NTM: variants seen among roughly 807,000 people sequenced by gnomAD.
The protein encoded by NTM is neurotrimin, also known as IgLON family member 2.
In NTM, 13 loss-of-function variants were observed where a neutral mutation model predicts 42.1. That is an observed-to-expected ratio of 0.31 (90% CI 0.20 to 0.49). NTM has a LOEUF of 0.49. Ranked by LOEUF, NTM falls within the 20% of genes least tolerant of loss-of-function variation. The probability of loss-of-function intolerance (pLI) is 0.99; values close to 1 mark genes in which losing one functional copy is unlikely to be tolerated. For synonymous variants in NTM, 187 were observed against 179.2 expected, an observed-to-expected ratio of 1.04 and a Z score of -0.35; for missense variants, 373 against 452.8, an observed-to-expected ratio of 0.82 and a Z score of 1.60.
At chr11:131,613,529 G>C (rs1461342913) in intron 1 of NTM, among the ~76,000 whole-genome samples, 2 of 152,146 alleles carry the variant, frequency 1.3e-5, no homozygotes, top group Non-Finnish European at 2.9e-5. Flanking sequence ...TCTATGATAA[G>C]ACGGGCGCTT....
chr11:131,668,261 T>TATCC (rs2134589340), intron 1 of NTM, among the ~76,000 whole-genome samples: 1 of 149,710 alleles, frequency 6.7e-6, no homozygotes, highest in East Asian at 1.9e-4. Flanking sequence ...TCTATCTATC[T>TATCC]ATCTATCTAT....
intron 1 of NTM, among the ~76,000 whole-genome samples, chr11:131,374,351 C>T (rs929024977): frequency 1.3e-5 from 2 of 152,238 alleles, no homozygotes; most frequent in African/African-American, 4.8e-5. Flanking sequence ...AGTGTCTGCC[C>T]TGGCCGGCAG....
intron 4 of NTM, among the ~76,000 whole-genome samples, chr11:132,270,504 C>A (rs947861863): frequency 6.6e-6 from 1 of 152,176 alleles, no homozygotes; most frequent in Non-Finnish European, 1.5e-5. Flanking sequence ...GCTAAGATTA[C>A]AAGCATGAGT....
In NTM at chr11:132,195,561, A is replaced by G. The variant is rs142690240; in HGVS notation, c.401-16461A>G. Among the ~76,000 whole-genome samples, 126 of 152,292 alleles carry G rather than the reference A, an allele frequency of 8.3e-4. 1 individual carries two copies. The East Asian group carries it at 0.023, about 28-fold the overall frequency. On this transcript the variant is annotated intron_variant, in intron 3 of 8. Coordinates refer to ENST00000683400, the MANE Select transcript of NTM (RefSeq NM_001352005.2). ...ATATTACTTGACTTCAAACTATACT[A>G]CAAGGCTACAGTAACCAAAACAGCA... is the stretch of plus-strand genomic sequence containing the variant.
chr11:131,400,115 C>A (rs534795460), intron 1 of NTM, among the ~76,000 whole-genome samples: 3 of 152,102 alleles, frequency 2.0e-5, no homozygotes, highest in Non-Finnish European at 2.9e-5. Flanking sequence ...CCCTACCCAC[C>A]CCCCATCAGC....
At chr11:131,593,070 A>G (rs766372662) in intron 1 of NTM, among the ~76,000 whole-genome samples, 2 of 152,162 alleles carry the variant, frequency 1.3e-5, no homozygotes, top group Non-Finnish European at 2.9e-5. Context: ...GAGTGGTACT[A>G]TTGGCAGGAA....
chr11:131,912,320 G>A (rs954212112), intron 2 of NTM, among the ~76,000 whole-genome samples: 1 of 152,162 alleles, frequency 6.6e-6, no homozygotes, highest in African/African-American at 2.4e-5. Flanking sequence ...CCACCAAAAC[G>A]GTACATGCAA....
chr11:131,538,626 C>G (rs1017714015), intron 1 of NTM: 3 of 152,278 alleles, frequency 2.0e-5, no homozygotes, highest in African/African-American at 7.2e-5. Context: ...TGTTGGTTCT[C>G]TCTGGACTGT....
chr11:131,687,756 G>A (rs1173645877), intron 1 of NTM, among the ~76,000 whole-genome samples: 3 of 152,158 alleles, frequency 2.0e-5, no homozygotes, highest in Admixed American at 2.0e-4. Context: ...GGCGGCCACA[G>A]GCGAGGGGGC....
chr11:132,188,700 G>A (rs1238550891), intron 3 of NTM, among the ~76,000 whole-genome samples: 4 of 152,120 alleles, frequency 2.6e-5, no homozygotes, highest in Non-Finnish European at 4.4e-5. Context: ...AGGGTGAGAT[G>A]GAGACCCCTG....
intron 1 of NTM, among the ~76,000 whole-genome samples, chr11:131,741,262 C>T (rs888160157): frequency 6.6e-6 from 1 of 151,816 alleles, no homozygotes; most frequent in African/African-American, 2.4e-5. Context: ...GGGGCGGTAG[C>T]CTACCCAGAA....
intron 2 of NTM, among the ~76,000 whole-genome samples, chr11:132,104,693 T>C (rs2062071468): frequency 6.7e-6 from 1 of 150,172 alleles, no homozygotes; most frequent in African/African-American, 2.5e-5. Flanking sequence ...GAGGATTGTA[T>C]GAGACCGGCC....
chr11:131,822,447 G>GT (rs1007393091), intron 1 of NTM, among the ~76,000 whole-genome samples: 48 of 152,186 alleles, frequency 3.2e-4, no homozygotes, highest in African/African-American at 1.1e-3. Context: ...ATGAATTATG[G>GT]TTTTTTTAAA....
chr11:132,203,791 C>T (rs925079827), intron 3 of NTM, among the ~76,000 whole-genome samples: 1 of 151,918 alleles, frequency 6.6e-6, no homozygotes, highest in African/African-American at 2.4e-5. Context: ...CCCAGCTACT[C>T]GGGAGGCTGA....
intron 1 of NTM, among the ~76,000 whole-genome samples, chr11:131,844,701 G>A (rs897406289): frequency 7.2e-5 from 11 of 151,732 alleles, no homozygotes; most frequent in East Asian, 5.8e-4. Flanking sequence ...TTATACAGTC[G>A]GTTATTCTCA....
At chr11:131,465,608 T>A (rs1170336401) in intron 1 of NTM, among the ~76,000 whole-genome samples, 1 of 152,204 alleles carries the variant, frequency 6.6e-6, no homozygotes, top group Non-Finnish European at 1.5e-5. Context: ...CTCTGAGGTA[T>A]CCTGCGACCT....
chr11:131,466,499 G>A (rs1951913237), intron 1 of NTM, among the ~76,000 whole-genome samples: 1 of 152,170 alleles, frequency 6.6e-6, no homozygotes, highest in Non-Finnish European at 1.5e-5. Context: ...TGACAACTAA[G>A]GTCAGCTCTT....
chr11:131,659,653 G>A (rs753294670), intron 1 of NTM, among the ~76,000 whole-genome samples: 5 of 152,236 alleles, frequency 3.3e-5, no homozygotes, highest in Non-Finnish European at 7.3e-5. Flanking sequence ...AAAAGTTTCA[G>A]CATAGATCTT....
chr11:131,832,706 G>A (rs1173629701), intron 1 of NTM, among the ~76,000 whole-genome samples: 1 of 152,140 alleles, frequency 6.6e-6, no homozygotes, highest in Non-Finnish European at 1.5e-5. Flanking sequence ...TTCCTTGGCT[G>A]TAAAGTGAAG....
Sources: allele counts gnomAD v4.1 joint callset (sites outside exome capture counted in the v4.1 genomes callset), GRCh38; gene constraint gnomAD v4.1.1; transcripts MANE v1.5; gene names NCBI Gene and HGNC (gene_info 2026-07-23, HGNC 2026-07-21).